The following CLEC12A variants were observed in gnomAD, a reference collection of about 807,000 sequenced individuals.
The protein encoded by CLEC12A is C-type lectin protein CLL-1.
Under a neutral mutation model 26.5 loss-of-function variants are expected in CLEC12A, and 22 were observed. The observed-to-expected ratio is 0.83, with a 90% confidence interval of 0.59 to 1.19. The LOEUF (loss-of-function observed/expected upper bound fraction) is 1.19, where lower values mean the gene tolerates loss of function less well. CLEC12A is among the 50% of genes most tolerant of loss of function. The pLI is 0.00. For synonymous variants in CLEC12A, 119 were observed against 101.9 expected (o/e 1.17, Z -1.01); for missense variants, 353 against 315.6 (o/e 1.12, Z -0.90).
At chr12:9,998,207 A>C, downstream of CLEC12A, 1 of 1,097,032 alleles carries the variant, frequency 9.1e-7, no homozygotes, top group Non-Finnish European at 1.4e-6. Flanking sequence ...GACCATTGAG[A>C]AGCTTAGTGG....
upstream of CLEC12A, among the ~76,000 whole-genome samples, chr12:9,969,254 C>T (rs559811353): frequency 1.3e-5 from 2 of 152,188 alleles, no homozygotes; most frequent in African/African-American, 4.8e-5. Context: ...ATGTACTATT[C>T]CCAACAGAAG....
chr12:9,985,686 CA>C (rs1438597724), downstream of CLEC12A: 8 of 384,680 alleles, frequency 2.1e-5, no homozygotes, highest in Non-Finnish European at 3.7e-5. Flanking sequence ...GCTATGCAAA[CA>C]TAAGCATTGT....
chr12:9,993,026 A>G, intron 4 of CLEC12A: 1 of 894,302 alleles, frequency 1.1e-6, no homozygotes, highest in South Asian at 2.0e-5. Flanking sequence ...AATATTAAAA[A>G]TAACTCCAGT....
the CLEC12A span, among the ~76,000 whole-genome samples, chr12:10,005,557 A>G: frequency 4.6e-5 from 7 of 152,246 alleles, no homozygotes; most frequent in East Asian, 1.9e-4. Flanking sequence ...CAGATTTACT[A>G]TTAAGAAAAA....
chr12:9,992,110 A>G (rs966243805), intron 4 of CLEC12A: 1 of 152,138 alleles, frequency 6.6e-6, no homozygotes, highest in African/African-American at 2.4e-5. Flanking sequence ...AAAGAAATGC[A>G]ATTTTTTCCT....
In CLEC12A at chr12:9,965,639, G is replaced by A. The variant is rs546601159; in HGVS notation, c.11-5938G>A. On this transcript the variant is annotated intron_variant, in intron 1 of 6. Coordinates refer to the CLEC12A transcript ENST00000355690. ...GGATTTGGCACCATGGGGTGGTTAG[G>A]CAAAACAATTTGGTTGATAAGGCAC... is the stretch of plus-strand genomic sequence containing the variant. Among the ~76,000 whole-genome samples, 23 of 152,092 alleles carry A rather than the reference G, an allele frequency of 1.5e-4. No homozygotes were observed. The South Asian group carries it at 4.6e-3, about 30-fold the overall frequency.
At chr12:9,998,069 A>T (rs1746123), downstream of CLEC12A, among the ~76,000 whole-genome samples, 82,821 of 151,972 alleles carry the variant, frequency 0.54, 22,923 homozygotes, top group South Asian at 0.72. Flanking sequence ...CTTAAAAATA[A>T]CTTTTCATTA....
chr12:9,996,964 C>A, downstream of CLEC12A: 3 of 1,614,084 alleles, frequency 1.9e-6, no homozygotes, highest in African/African-American at 1.3e-5. Context: ...TCCATAATAT[C>A]TCCAGTTTGT....
chr12:9,960,662 C>T (rs1164199685), intron 1 of CLEC12A, among the ~76,000 whole-genome samples: 1 of 152,164 alleles, frequency 6.6e-6, no homozygotes, highest in Non-Finnish European at 1.5e-5. Context: ...CTGAAACCGG[C>T]CCCGTTATCT....
intron 4 of CLEC12A, among the ~76,000 whole-genome samples, chr12:9,993,510 T>G (rs1864949052): frequency 6.6e-6 from 1 of 151,998 alleles, no homozygotes; most frequent in African/African-American, 2.4e-5. Context: ...AGCATAAAAT[T>G]AGGAGCAAGG....
At chr12:10,001,763 C>A in the CLEC12A span, among the ~76,000 whole-genome samples, 6 of 152,178 alleles carry the variant, frequency 3.9e-5, no homozygotes, top group Non-Finnish European at 8.8e-5. Flanking sequence ...CTTTTAATCA[C>A]CCTCCAAGTC....
At chr12:9,964,602 G>A (rs540956726) in intron 1 of CLEC12A, among the ~76,000 whole-genome samples, 3 of 152,228 alleles carry the variant, frequency 2.0e-5, no homozygotes, top group East Asian at 3.9e-4. Flanking sequence ...TCCTGGGTGG[G>A]GGCAAATCCT....
downstream of CLEC12A, among the ~76,000 whole-genome samples, chr12:9,987,534 A>G (rs569509659): frequency 6.6e-6 from 1 of 152,306 alleles, no homozygotes; most frequent in Admixed American, 6.5e-5. Context: ...AGGCAATTTT[A>G]CTAGTTCCCA....
In CLEC12A at chr12:9,985,048, A is replaced by C. The variant is rs372777199; in HGVS notation, c.*22A>C. The C allele has an allele frequency of 6.8e-7, 1 of 1,469,770 alleles. No individual in the cohort carries two copies. Among genetic ancestry groups the C allele is most frequent in the Non-Finnish European group, 9.0e-7 (1 of 1,112,622 alleles). The allele number at this position is 1,469,770 out of a possible 1,614,324, so 91.0% of individuals were successfully genotyped here. A position where few individuals can be genotyped will look rare whatever the true frequency, so the allele number is the denominator to read the frequency against. On this transcript the variant is annotated 3_prime_UTR_variant, in exon 6 of 6. Transcript: ENST00000304361. ...ATGAGGCATCAATCAAATACATTTA[A>C]GGAGTGTAGGGGGTGGGGGTTCTAG... is the stretch of plus-strand genomic sequence containing the variant.
chr12:9,991,027 G>A lies in CLEC12A; in HGVS notation n.1005-3991G>A, dbSNP rs979746570. 11 of 152,160 alleles carry A rather than the reference G, an allele frequency of 7.2e-5. No individual in the cohort carries two copies. The South Asian group carries it at 1.7e-3, about 23-fold the overall frequency. 9.4% of individuals were successfully genotyped at this position (152,160 alleles called of 1,614,324 possible). A position where few individuals can be genotyped will look rare whatever the true frequency, so the allele number is the denominator to read the frequency against. ...TGCTGTTGTATACTTAATAGAAGAC[G>A]TTGTAGCTCAAACATAACTTTTACA... is the stretch of plus-strand genomic sequence containing the variant. On this transcript the variant is annotated intron_variant and non_coding_transcript_variant, in intron 4 of 4. Coordinates refer to the CLEC12A transcript ENST00000449959.
In CLEC12A at chr12:9,956,626, A is replaced by C. The variant is rs184314979; in HGVS notation, c.10+5270A>C. Among the ~76,000 whole-genome samples the C allele has an allele frequency of 6.9e-4, 105 of 152,368 alleles. 1 individual carries two copies. Among genetic ancestry groups the C allele is most frequent in the Non-Finnish European group, 1.1e-3 (77 of 68,036 alleles). On this transcript the variant is annotated intron_variant, in intron 1 of 6. Coordinates refer to the CLEC12A transcript ENST00000355690. The stretch of plus-strand genomic sequence containing the variant: ...AGATTCCTTATGAAAAGTTCCAGCA[A>C]AGCCAATTTAAAAAAGCCTATATGA...
At position 9,979,341 on chromosome 12, in the gene CLEC12A, G is replaced by T; in HGVS notation, c.196G>T (p.Val66Leu). The T allele has an allele frequency of 6.3e-7, 1 of 1,585,366 alleles. No individual in the cohort carries two copies. Residue 66 changes from valine to leucine, a missense_variant, in exon 3 of 6, where the codon GTA becomes TTA. Physicochemically the swap from Val to Leu is conservative, Grantham distance 32 (BLOSUM62 1). Coordinates refer to ENST00000304361, the MANE Select transcript of CLEC12A (RefSeq NM_138337.6). ...GLGVLASMFHVTLKIEMKKMN... is the reference protein window; with the variant it reads ...GLGVLASMFHLTLKIEMKKMN... ...GTCATTTTTTTAATGTGGAGTTCAC[G>T]TAACTTTGAAGATAGAAATGAAAAA...
intron 1 of CLEC12A, among the ~76,000 whole-genome samples, chr12:9,954,393 G>A (rs1345997650): frequency 6.6e-6 from 1 of 151,932 alleles, no homozygotes; most frequent in Non-Finnish European, 1.5e-5. Context: ...TACTCAGGAG[G>A]CTGAGGTGGG....
intron 1 of CLEC12A, among the ~76,000 whole-genome samples, chr12:9,957,794 T>C (rs1023879795): frequency 5.9e-5 from 9 of 152,226 alleles, no homozygotes; most frequent in African/African-American, 1.9e-4. Flanking sequence ...AGGGTGAAAT[T>C]CAATCGAATA....
Sources: gnomAD v4.1 joint callset for allele counts (sites outside exome capture counted in the v4.1 genomes callset) on GRCh38, gnomAD v4.1.1 for gene constraint, MANE v1.5 for transcripts, NCBI Gene and HGNC (gene_info 2026-07-23, HGNC 2026-07-21) for gene names.